Variants in SPATS2 observed in about 807,000 individuals in gnomAD.
SPATS2 encodes the protein spermatogenesis associated serine rich 2, also known as spermatogenesis-associated serine-rich protein 2.
Under a neutral mutation model 63.7 loss-of-function variants are expected in SPATS2, and 38 were observed. That is an observed-to-expected ratio of 0.60 (90% CI 0.46 to 0.78). SPATS2 has a LOEUF of 0.78. SPATS2 is among the 30% of genes least tolerant of loss of function. SPATS2 has a pLI of 0.00. For synonymous variants in SPATS2, 207 were observed against 232.9 expected (o/e 0.89, Z 1.01); for missense variants, 588 against 666.2 (o/e 0.88, Z 1.29).
chr12:49,476,222 G>A lies in SPATS2; in HGVS notation c.26-8368G>A, dbSNP rs1462949309. On this transcript the variant is annotated intron_variant, in intron 3 of 13. Transcript: ENST00000552918. Reference sequence around the variant, plus strand: ...AGGAACACACAGGCGGCTGGAGGTAGAGAGGAATGCAACGACAGTCACCCG... The same window carrying A: ...AGGAACACACAGGCGGCTGGAGGTAAAGAGGAATGCAACGACAGTCACCCG... Among the ~76,000 whole-genome samples, 3 of 152,160 alleles carry A rather than the reference G, an allele frequency of 2.0e-5. No homozygotes were observed. The East Asian group carries it at 5.8e-4, about 29-fold the overall frequency.
intron 2 of SPATS2, among the ~76,000 whole-genome samples, chr12:49,385,155 G>A (rs1448922741): frequency 1.3e-5 from 2 of 151,948 alleles, no homozygotes. Flanking sequence ...CTATGAGCCA[G>A]GTACATAGGA....
chr12:49,514,395 G>A, intron 9 of SPATS2, 160 bp from the exon 10 acceptor site: 1 of 586,494 alleles, frequency 1.7e-6, no homozygotes, highest in Admixed American at 3.4e-5. Context: ...ATTCTTTGTT[G>A]AGAGTAAGAC....
At chr12:49,487,225 G>A (rs1404389916) in intron 4 of SPATS2, among the ~76,000 whole-genome samples, 1 of 152,166 alleles carries the variant, frequency 6.6e-6, no homozygotes, top group Non-Finnish European at 1.5e-5. Context: ...GATGGCTCAT[G>A]CTTGTAATCC....
chr12:49,456,899 T>C (rs965110085), intron 2 of SPATS2, among the ~76,000 whole-genome samples: 1 of 152,194 alleles, frequency 6.6e-6, no homozygotes, highest in Non-Finnish European at 1.5e-5. Context: ...CCTAATGTTA[T>C]CTTCTATTAT....
intron 2 of SPATS2, among the ~76,000 whole-genome samples, chr12:49,391,165 G>A (rs1414910192): frequency 6.6e-6 from 1 of 152,194 alleles, no homozygotes; most frequent in Non-Finnish European, 1.5e-5. Flanking sequence ...TGAAAGCGGG[G>A]GTAGAGGTGG....
At chr12:49,499,399 G>A (rs867626639) in intron 8 of SPATS2, among the ~76,000 whole-genome samples, 2,259 of 122,776 alleles carry the variant, frequency 0.018, 49 homozygotes, top group African/African-American at 0.081. Context: ...TGGTTGTTTT[G>A]TTTTGTTTTG....
chr12:49,389,711 A>G (rs986654972), intron 2 of SPATS2: 3 of 1,549,128 alleles, frequency 1.9e-6, no homozygotes, highest in South Asian at 1.1e-5. Flanking sequence ...GGTCCACGTT[A>G]GTTATGGGAA....
intron 1 of SPATS2, among the ~76,000 whole-genome samples, chr12:49,369,117 C>T (rs1169844087): frequency 6.8e-6 from 1 of 146,648 alleles, no homozygotes; most frequent in African/African-American, 2.6e-5. Flanking sequence ...CTCACTGCAA[C>T]CTCCATCTCC....
At chr12:49,380,626 A>G (rs182559579) in intron 2 of SPATS2, among the ~76,000 whole-genome samples, 1 of 152,088 alleles carries the variant, frequency 6.6e-6, no homozygotes, top group African/African-American at 2.4e-5. Context: ...GAATCACTTG[A>G]ACTCGGGAGG....
At chr12:49,444,096 G>T (rs1029024034) in intron 2 of SPATS2, among the ~76,000 whole-genome samples, 3 of 152,246 alleles carry the variant, frequency 2.0e-5, no homozygotes, top group East Asian at 3.9e-4. Context: ...CATGAATATG[G>T]AATGTGTCTC....
At chr12:49,491,726 A>C (rs541027425) in intron 6 of SPATS2, among the ~76,000 whole-genome samples, 1 of 152,322 alleles carries the variant, frequency 6.6e-6, no homozygotes, top group African/African-American at 2.4e-5. Context: ...ATAGAAAAAT[A>C]GTTCTAATAA....
intron 2 of SPATS2, among the ~76,000 whole-genome samples, chr12:49,396,772 T>C (rs963601921): frequency 6.6e-5 from 10 of 152,242 alleles, no homozygotes; most frequent in Non-Finnish European, 1.3e-4. Flanking sequence ...TGTTTCTTAA[T>C]TTATGCTCAG....
chr12:49,465,288 C>G (rs1945892565), intron 3 of SPATS2, among the ~76,000 whole-genome samples: 1 of 152,118 alleles, frequency 6.6e-6, no homozygotes, highest in South Asian at 2.1e-4. Context: ...GGTGGCGATA[C>G]ACAGTTTTAC....
At chr12:49,436,588 T>C (rs78726730) in intron 2 of SPATS2, among the ~76,000 whole-genome samples, 664 of 51,710 alleles carry the variant, frequency 0.013, no homozygotes, top group Admixed American at 0.016. Context: ...CCGGACGGGG[T>C]GGCTGGCCGG....
At chr12:49,464,541 C>T (rs998815873) in intron 3 of SPATS2, among the ~76,000 whole-genome samples, 9 of 148,974 alleles carry the variant, frequency 6.0e-5, no homozygotes, top group Non-Finnish European at 1.0e-4. Context: ...GCAGGAGAAT[C>T]GCTTGAACCC....
chr12:49,512,500 C>T (rs981084701), intron 9 of SPATS2, among the ~76,000 whole-genome samples: 1 of 150,524 alleles, frequency 6.6e-6, no homozygotes, highest in Non-Finnish European at 1.5e-5. Flanking sequence ...TTGTGATCAC[C>T]GAGTTAATCA....
Position 49,527,077 on chromosome 12 carries a change from A to G in SPATS2, c.*822A>G, listed in dbSNP as rs139096986. 0.084 allele frequency: 12,785 copies of G among 152,008 alleles called. 617 individuals are homozygous for G. Among genetic ancestry groups the G allele is most frequent in the African/African-American group, 0.13 (5,307 of 41,434 alleles). 9.4% of individuals were successfully genotyped at this position (152,008 alleles called of 1,614,324 possible). A position where few individuals can be genotyped will look rare whatever the true frequency, so the allele number is the denominator to read the frequency against. ...CCCTGTCTGTACTAAAAATACAAAAATTAGCTGAGCATGGTGGCGTGTGCC... is the reference window on the plus strand; with the variant it reads ...CCCTGTCTGTACTAAAAATACAAAAGTTAGCTGAGCATGGTGGCGTGTGCC... On this transcript the variant is annotated 3_prime_UTR_variant, in exon 14 of 14. Coordinates refer to ENST00000552918, the MANE Select transcript of SPATS2 (RefSeq NM_023071.4).
chr12:49,466,455 A>G (rs891423435), intron 3 of SPATS2, among the ~76,000 whole-genome samples: 1 of 152,148 alleles, frequency 6.6e-6, no homozygotes, highest in Non-Finnish European at 1.5e-5. Context: ...GGTGTGAGCC[A>G]CCCCGCCTGG....
At chr12:49,368,546 C>A (rs971726389) in intron 1 of SPATS2, among the ~76,000 whole-genome samples, 1 of 152,198 alleles carries the variant, frequency 6.6e-6, no homozygotes, top group Non-Finnish European at 1.5e-5. Flanking sequence ...CAATTTCTCA[C>A]TGAGAAATGT....
Sources: allele counts gnomAD v4.1 joint callset (sites outside exome capture counted in the v4.1 genomes callset), GRCh38; gene constraint gnomAD v4.1.1; transcripts MANE v1.5; gene names NCBI Gene and HGNC (gene_info 2026-07-23, HGNC 2026-07-21).